Variants in GALNT9 observed in about 807,000 individuals in gnomAD.
GALNT9 encodes polypeptide N-acetylgalactosaminyltransferase 9, also known as GalNAc transferase 9.
A neutral mutation model predicts 63.1 loss-of-function variants in GALNT9; 47 were observed. The observed-to-expected ratio is 0.75, with a 90% CI of 0.59 to 0.95. GALNT9 has a LOEUF of 0.95. Ranked by LOEUF, GALNT9 falls within the 40% of genes least tolerant of loss-of-function variation. The probability of loss-of-function intolerance (pLI) is 0.00; values close to 1 mark genes in which losing one functional copy is unlikely to be tolerated. For missense variants in GALNT9, 829 were observed against 874.8 expected (o/e 0.95, Z 0.66); for synonymous variants, 396 against 365.7 (o/e 1.08, Z -0.94).
chr12:132,329,026 G>A lies in GALNT9; in HGVS notation c.178C>T (p.Arg60Cys). 1.3e-6 allele frequency: 2 copies of A among 1,544,520 alleles called. No individual in the cohort carries two copies. The highest frequency in any genetic ancestry group is 1.7e-4 in the Middle Eastern group (1 of 5,976). ...TCCAGGCGCTGCAGGATGGCCTCAC[G>A]GTCCCCCAGCGTGCCCACCTTGGCG... The part of the protein sequence containing the change: ...RHAKVGTLGD[R>C]EAILQRLDHL... Residue 60 changes from arginine to cysteine, a missense_variant, in exon 1 of 11, where the codon CGT becomes TGT. By Grantham distance (180) the Arg-to-Cys change is radical. Coordinates refer to ENST00000328957, the MANE Select transcript of GALNT9 (RefSeq NM_001122636.2).
rs1880393155 is a variant in GALNT9, at chr12:132,282,410, T to TGCGTGTGTGCGCGTGTGC, written c.419+3839_419+3840insGCACACGCGCACACACGC. Among the ~76,000 whole-genome samples, 1 of 148,202 alleles carries TGCGTGTGTGCGCGTGTGC rather than the reference T, an allele frequency of 6.7e-6. No homozygotes were observed. The highest frequency in any genetic ancestry group is 1.5e-5 in the Non-Finnish European group (1 of 66,452). On this transcript the variant is annotated intron_variant, in intron 2 of 10. Transcript: ENST00000328957. The surrounding 1 kb of genome is among the most constrained non-coding windows in gnomAD (Gnocchi z 4.5). ...CTAAAAATACGTGTGTGCGCGTGTG[T>TGCGTGTGTGCGCGTGTGC]GCGTGTGTGTGCGTGTGTGCGTGCA...
intron 6 of GALNT9, among the ~76,000 whole-genome samples, chr12:132,230,794 G>T (rs1339233590): frequency 6.6e-6 from 1 of 152,216 alleles, no homozygotes; most frequent in Non-Finnish European, 1.5e-5. Context: ...AACAGTCCGG[G>T]TTAATGGATC....
chr12:132,322,649 G>A (rs560330577), intron 1 of GALNT9, among the ~76,000 whole-genome samples: 2 of 152,234 alleles, frequency 1.3e-5, no homozygotes, highest in South Asian at 2.1e-4. Context: ...GCACCATGGC[G>A]TCCCCAGGCA....
intron 6 of GALNT9, among the ~76,000 whole-genome samples, chr12:132,219,279 T>C (rs906666535): frequency 5.9e-5 from 9 of 152,132 alleles, no homozygotes; most frequent in African/African-American, 2.2e-4. Context: ...GGGGAAGACA[T>C]TGGTCAGCAC....
intron 2 of GALNT9, among the ~76,000 whole-genome samples, chr12:132,267,778 C>G (rs797044095): frequency 8.4e-6 from 1 of 118,918 alleles, no homozygotes; most frequent in African/African-American, 3.7e-5. Context: ...CACTCACACA[C>G]ACGCACACAC....
intron 7 of GALNT9, among the ~76,000 whole-genome samples, chr12:132,201,975 AC>A (rs1876173624): frequency 6.6e-6 from 1 of 152,046 alleles, no homozygotes; most frequent in Non-Finnish European, 1.5e-5. Context: ...CTGCCCAGGG[AC>A]CCTCCAGGCT....
At chr12:132,198,806 C>G (rs1875756584) in intron 9 of GALNT9, among the ~76,000 whole-genome samples, 1 of 152,206 alleles carries the variant, frequency 6.6e-6, no homozygotes, top group African/African-American at 2.4e-5. Flanking sequence ...CATGCCCCAC[C>G]ATGCCCGGCT....
At chr12:132,281,617 C>T (rs987814727) in intron 2 of GALNT9, among the ~76,000 whole-genome samples, 6 of 152,214 alleles carry the variant, frequency 3.9e-5, no homozygotes, top group African/African-American at 1.4e-4. Flanking sequence ...CAAGGTTCAT[C>T]CCGATGTCGT....
chr12:132,261,126 A>G lies in GALNT9; in HGVS notation c.587-4T>C. ...TCCAGATTGAACTTGAGTTCCACTG[A>G]GGAGAGACAAGACTTTAGCACGCTG... On this transcript the variant is annotated splice_region_variant and splice_polypyrimidine_tract_variant and intron_variant, in intron 3 of 10. Transcript: ENST00000328957. 6.4e-7 allele frequency: 1 copy of G among 1,550,606 alleles called. No homozygotes were observed. Among genetic ancestry groups the G allele is most frequent in the Non-Finnish European group, 8.7e-7 (1 of 1,146,734 alleles).
chr12:132,260,823 C>T, intron 4 of GALNT9, 125 bp downstream of exon 4: 1 of 1,322,388 alleles, frequency 7.6e-7, no homozygotes, highest in Non-Finnish European at 1.0e-6. Flanking sequence ...ATCCTGAAGG[C>T]TACGGCGAGT....
intron 6 of GALNT9, among the ~76,000 whole-genome samples, chr12:132,220,481 G>A (rs1009545602): frequency 1.3e-5 from 2 of 152,214 alleles, no homozygotes; most frequent in South Asian, 4.1e-4. Flanking sequence ...AACCAGATAT[G>A]AAAAATACCC....
chr12:132,227,027 C>G (rs1374669629), intron 6 of GALNT9, among the ~76,000 whole-genome samples: 1 of 150,894 alleles, frequency 6.6e-6, no homozygotes, highest in Non-Finnish European at 1.5e-5. Context: ...ACACCCCATA[C>G]ACACACACAC....
chr12:132,212,025 A>G (rs1876974300), intron 6 of GALNT9, among the ~76,000 whole-genome samples: 1 of 152,224 alleles, frequency 6.6e-6, no homozygotes, highest in African/African-American at 2.4e-5. Flanking sequence ...TCCGCATGGC[A>G]GCGGACGTGC....
In GALNT9 at chr12:132,282,833, G is replaced by A. The variant is rs1048214652; in HGVS notation, c.419+3417C>T. On this transcript the variant is annotated intron_variant, in intron 2 of 10. Transcript: ENST00000328957. The surrounding 1 kb of genome is among the most constrained non-coding windows in gnomAD (Gnocchi z 4.5). ...TGGGCTGAAATGGATCAGAGCGGGGGGTGTGGACTTCCATCTGGAGCCGGG... is the reference window on the plus strand; with the variant it reads ...TGGGCTGAAATGGATCAGAGCGGGGAGTGTGGACTTCCATCTGGAGCCGGG... 2 of 152,424 alleles carry A rather than the reference G, an allele frequency of 1.3e-5. No individual in the cohort carries two copies. The highest frequency in any genetic ancestry group is 4.8e-5 in the African/African-American group (2 of 41,438). 9.4% of individuals were successfully genotyped at this position (152,424 alleles called of 1,614,324 possible). A position where few individuals can be genotyped will look rare whatever the true frequency, so the allele number is the denominator to read the frequency against.
chr12:132,206,639 T>C (rs1593469203), intron 6 of GALNT9, among the ~76,000 whole-genome samples: 1 of 108,046 alleles, frequency 9.3e-6, no homozygotes, highest in Admixed American at 1.1e-4. Context: ...AGAGCGAGAC[T>C]CCGTCTCAAA....
intron 1 of GALNT9, among the ~76,000 whole-genome samples, chr12:132,305,892 G>A (rs1324448760): frequency 1.3e-5 from 2 of 152,218 alleles, no homozygotes; most frequent in African/African-American, 4.8e-5. Flanking sequence ...GGGAGCCCTG[G>A]GTGGGGCTTG....
At chr12:132,311,125 A>G (rs1447721059) in intron 1 of GALNT9, among the ~76,000 whole-genome samples, 8 of 152,396 alleles carry the variant, frequency 5.2e-5, no homozygotes, top group Non-Finnish European at 1.2e-4. Context: ...CAAGATGGCA[A>G]GAAATTGCTA....
intron 7 of GALNT9, among the ~76,000 whole-genome samples, chr12:132,201,751 AC>A (rs201590713): frequency 4.8e-4 from 71 of 149,026 alleles, no homozygotes; most frequent in South Asian, 1.9e-3. Flanking sequence ...AGTCCTTGGG[AC>A]CCCCCGCGGG....
rs2136896107 is a variant in GALNT9, at chr12:132,238,532, C to T, written c.1077+9378G>A. On this transcript the variant is annotated intron_variant, in intron 6 of 10. Coordinates refer to ENST00000328957, the MANE Select transcript of GALNT9 (RefSeq NM_001122636.2). The surrounding 1 kb of genome is among the most constrained non-coding windows in gnomAD (Gnocchi z 6.5). ...GGTTTTGCAGATGCCCAGGACAGGC[C>T]AGAGGGCGGGGCCGTGGCATGGGGA... Among the ~76,000 whole-genome samples, 5 of 152,252 alleles carry T rather than the reference C, an allele frequency of 3.3e-5. No individual in the cohort carries two copies. The highest frequency in any genetic ancestry group is 1.2e-4 in the African/African-American group (5 of 41,552).
Sources: gnomAD v4.1 joint callset for allele counts (sites outside exome capture counted in the v4.1 genomes callset) on GRCh38, gnomAD v4.1.1 for gene constraint, Gnocchi (gnomAD v3.1) non-coding constraint, MANE v1.5 for transcripts, NCBI Gene and HGNC (gene_info 2026-07-23, HGNC 2026-07-21) for gene names.